The following APOBEC3B variants were observed in gnomAD, a reference collection of about 807,000 sequenced individuals.
APOBEC3B encodes the protein apolipoprotein B mRNA editing enzyme catalytic subunit 3B, also known as DNA dC->dU-editing enzyme APOBEC-3B.
APOBEC3B carries 29 observed loss-of-function variants against 53.4 expected under a neutral mutation model. The ratio of observed to expected loss-of-function variants is 0.54; its 90% CI spans 0.40 to 0.74. The LOEUF (loss-of-function observed/expected upper bound fraction) is 0.74. Ranked by LOEUF, APOBEC3B falls within the 30% of genes least tolerant of loss-of-function variation. APOBEC3B has a pLI of 0.00. For missense variants in APOBEC3B, 347 were observed against 496.2 expected (o/e 0.70, Z 2.86); for synonymous variants, 132 against 184.8 (o/e 0.71, Z 2.32).
At chr22:38,992,001 G>C in intron 6 of APOBEC3B, 33 bp from the exon 7 acceptor site, 1 of 1,539,142 alleles carries the variant, frequency 6.5e-7, no homozygotes, top group Non-Finnish European at 8.7e-7. Flanking sequence ...CCCCACAACA[G>C]GAGCGTGACT....
At position 38,992,752 on chromosome 22, in the gene APOBEC3B, T is replaced by G; in HGVS notation, c.*307T>G. The G allele has an allele frequency of 1.4e-6, 1 of 711,628 alleles. No individual in the cohort carries two copies. The highest frequency in any genetic ancestry group is 2.2e-6 in the Non-Finnish European group (1 of 448,490). The allele number at this position is 711,628 out of a possible 1,614,324, so 44.1% of individuals were successfully genotyped here. ...ATTTAGACTAATAAAACATTAAGAA[T>G]CTTCCATAATTGTTTCCACAAACAC... On this transcript the variant is annotated 3_prime_UTR_variant, in exon 8 of 8. Coordinates refer to ENST00000333467, the MANE Select transcript of APOBEC3B (RefSeq NM_004900.5).
chr22:38,988,733 C>CTTTCTTTCTTTA (rs1569039146), intron 4 of APOBEC3B, among the ~76,000 whole-genome samples: 1 of 133,126 alleles, frequency 7.5e-6, no homozygotes, highest in African/African-American at 3.0e-5. Context: ...TTCTTTCTTT[C>CTTTCTTTCTTTA]TTTCTTTCTT....
In APOBEC3B at chr22:38,990,581, C is replaced by G. The variant is rs1456127675; in HGVS notation, c.724-751C>G. On this transcript the variant is annotated intron_variant, in intron 5 of 7. Coordinates refer to ENST00000333467, the MANE Select transcript of APOBEC3B (RefSeq NM_004900.5). The stretch of plus-strand genomic sequence containing the variant: ...GACAATTATACCATGTCACAGGGAC[C>G]TTCCCACATTGGAGTGAGTCCTGCT... Among the ~76,000 whole-genome samples the G allele has an allele frequency of 1.4e-5, 2 of 147,938 alleles. 1 individual carries two copies. The highest frequency in any genetic ancestry group is 3.0e-5 in the Non-Finnish European group (2 of 67,374).
chr22:38,984,616 T>TA lies in APOBEC3B; in HGVS notation c.174+391dup, dbSNP rs1206801136. 1.4e-4 allele frequency among the ~76,000 whole-genome samples: 21 copies of TA among 148,634 alleles called. 5 individuals carry two copies. The East Asian group carries it at 4.7e-3, about 33-fold the overall frequency. ...ACAGTAAAGGAATTTGTCTTTTTTT[T>TA]AAAAAATTTTTTTAAAATTTTCTTC... On this transcript the variant is annotated intron_variant, in intron 2 of 7. Transcript: ENST00000333467.
chr22:38,984,199 C>A lies in APOBEC3B; in HGVS notation c.142C>A (p.Leu48Ile). The change falls in exon 2 of 8, where the codon CTC becomes ATC. Residue 48 changes from leucine to isoleucine, a missense_variant. By Grantham distance (5) the Leu-to-Ile change is conservative (BLOSUM62 2). This residue lies in a region of APOBEC3B where 73 missense variants were observed against 90.9 expected (regional missense o/e 0.80). Coordinates refer to ENST00000333467, the MANE Select transcript of APOBEC3B (RefSeq NM_004900.5). ...EVKIKRGRSNLLWDTGVFRGQ... is the reference protein window; with the variant it reads ...EVKIKRGRSNILWDTGVFRGQ... The stretch of plus-strand genomic sequence containing the variant: ...GAAAATAAAGAGGGGCCGCTCAAAT[C>A]TCCTTTGGGACACAGGGGTCTTTCG... 1.9e-6 allele frequency: 3 copies of A among 1,592,718 alleles called. No homozygotes were observed. Among genetic ancestry groups the A allele is most frequent in the Non-Finnish European group, 2.6e-6 (3 of 1,172,450 alleles).
rs544101560 is a variant in APOBEC3B at position 38,989,708 on chromosome 22, G to T, written c.723+98G>T. On this transcript the variant is annotated intron_variant, in intron 5 of 7. Transcript: ENST00000333467. ...GGTGGTGCCTGTGGTTTCCTGCAGT[G>T]TTTGTCACTTGTGCTTCCTGCAGCT... 9.0e-4 allele frequency: 1,095 copies of T among 1,217,896 alleles called. 34 individuals carry two copies. The highest frequency in any genetic ancestry group is 1.2e-3 in the Non-Finnish European group (1,061 of 915,724). The allele number at this position is 1,217,896 out of a possible 1,614,324, so 75.4% of individuals were successfully genotyped here. A position where few individuals can be genotyped will look rare whatever the true frequency, so the allele number is the denominator to read the frequency against.
In APOBEC3B at chr22:38,983,225, G is replaced by A. The variant is rs1452255724; in HGVS notation, c.17+755G>A. Reference sequence around the variant, plus strand: ...CCCAGATACTCAGGAGGTTTAGGCAGGAGAATTGCTTGAACCTGGGAGGTG... The same window carrying A: ...CCCAGATACTCAGGAGGTTTAGGCAAGAGAATTGCTTGAACCTGGGAGGTG... On this transcript the variant is annotated intron_variant, in intron 1 of 7. Coordinates refer to ENST00000333467, the MANE Select transcript of APOBEC3B (RefSeq NM_004900.5). Among the ~76,000 whole-genome samples the A allele has an allele frequency of 2.0e-5, 3 of 148,136 alleles. 1 individual carries two copies. The Admixed American group carries it at 2.1e-4, about 10-fold the overall frequency.
At position 38,992,193 on chromosome 22, in the gene APOBEC3B, C is replaced by T. The variant is rs751147075; in HGVS notation, c.1134+44C>T. On this transcript the variant is annotated intron_variant, in intron 7 of 7. Coordinates refer to ENST00000333467, the MANE Select transcript of APOBEC3B (RefSeq NM_004900.5). ...TGCCTGGTGCCCCATCGGCCTCCCCCTCCTCCCCGCTCCCCTGTGCCTTGC... is the reference window on the plus strand; with the variant it reads ...TGCCTGGTGCCCCATCGGCCTCCCCTTCCTCCCCGCTCCCCTGTGCCTTGC... The T allele has an allele frequency of 6.3e-5, 99 of 1,571,180 alleles. 5 individuals are homozygous for T. The highest frequency in any genetic ancestry group is 3.0e-4 in the Admixed American group (16 of 52,722).
rs148526226 is a variant in APOBEC3B at position 38,986,250 on chromosome 22, G to A, written c.455-48G>A. The A allele has an allele frequency of 9.8e-4, 1,555 of 1,590,732 alleles. 108 individuals carry two copies. In the African/African-American group the frequency reaches 0.019, roughly 19 times the overall value. ...CCAGGAGACCAGGCCTGGGAGGACA[G>A]GCCAGGGTCAGGGGAGAGCCTGACT... On this transcript the variant is annotated intron_variant, in intron 3 of 7. Coordinates refer to ENST00000333467, the MANE Select transcript of APOBEC3B (RefSeq NM_004900.5).
chr22:38,991,191 A>G (rs1303560799), intron 5 of APOBEC3B, 141 bp from the exon 6 acceptor site: 5 of 973,108 alleles, frequency 5.1e-6, no homozygotes, highest in Non-Finnish European at 7.8e-6. Context: ...TATTGCATAG[A>G]AAATCATGCA....
At chr22:38,985,781 G>A (rs1307319272) in intron 2 of APOBEC3B, 31 bp from the exon 3 acceptor site, 1 of 1,562,738 alleles carries the variant, frequency 6.4e-7, no homozygotes, top group Non-Finnish European at 8.7e-7. Flanking sequence ...CCCCCTCTCA[G>A]AGCATCCCCT....
At chr22:38,990,724 T>C (rs1368837853) in intron 5 of APOBEC3B, among the ~76,000 whole-genome samples, 2 of 146,850 alleles carry the variant, frequency 1.4e-5, no homozygotes, top group African/African-American at 5.0e-5. Context: ...GGGCCACAGA[T>C]GGGATGGGAG....
Position 38,985,818 on chromosome 22 carries a change from T to G in APOBEC3B, c.181T>G (p.Phe61Val). The G allele has an allele frequency of 6.3e-7, 1 of 1,590,794 alleles. No individual in the cohort carries two copies. Among genetic ancestry groups the G allele is most frequent in the Non-Finnish European group, 8.5e-7 (1 of 1,171,494 alleles). ...CCCCCTGCTCCTCTCCCAGGTGTATTTCAAGCCTCAGTACCACGCAGAAAT... is the reference window on the plus strand; with the variant it reads ...CCCCCTGCTCCTCTCCCAGGTGTATGTCAAGCCTCAGTACCACGCAGAAAT... ...DTGVFRGQVY[F>V]KPQYHAEMCF... Residue 61 changes from phenylalanine (F) to valine (V), a missense_variant, in exon 3 of 8, where the codon TTC becomes GTC. By Grantham distance (50) the Phe-to-Val change is conservative. This residue lies in a region of APOBEC3B where 73 missense variants were observed against 90.9 expected (regional missense o/e 0.80). Transcript: ENST00000333467.
chr22:38,987,154 A>T (rs1923774541), intron 4 of APOBEC3B, among the ~76,000 whole-genome samples: 1 of 148,970 alleles, frequency 6.7e-6, no homozygotes. Context: ...CAAGCCTGCC[A>T]GGGAGGCTGC....
At chr22:38,989,410 C>T in intron 4 of APOBEC3B, 47 bp from the exon 5 acceptor site, 2 of 1,501,166 alleles carry the variant, frequency 1.3e-6, no homozygotes, top group Non-Finnish European at 9.0e-7. Flanking sequence ...AGAGGTAGTC[C>T]CAGGAGGAGT....
Position 38,986,395 on chromosome 22 carries a change from G to A in APOBEC3B, c.552G>A (p.Thr184=), listed in dbSNP as rs760275218. 10 of 1,593,466 alleles carry A rather than the reference G, an allele frequency of 6.3e-6. 2 individuals carry two copies. The highest frequency in any genetic ancestry group is 5.3e-5 in the Admixed American group (3 of 56,452). ...FDENYAFLHR[T]LKEILRYLMD... ...AAAATTATGCATTCCTGCACCGCACGCTAAAGGAGATTCTCAGGTGAGGGT... is the reference window on the plus strand; with the variant it reads ...AAAATTATGCATTCCTGCACCGCACACTAAAGGAGATTCTCAGGTGAGGGT... The change falls in exon 4 of 8, where the codon ACG becomes ACA. Residue 184 remains threonine (T), a synonymous_variant. Coordinates refer to ENST00000333467, the MANE Select transcript of APOBEC3B (RefSeq NM_004900.5).
rs1324367686 is a variant in APOBEC3B, at chr22:38,986,219, T to A, written c.455-79T>A. ...GGGTGGGACTGGCACTGACTGCAACTGACAGCCAGGAGACCAGGCCTGGGA... is the reference window on the plus strand; with the variant it reads ...GGGTGGGACTGGCACTGACTGCAACAGACAGCCAGGAGACCAGGCCTGGGA... On this transcript the variant is annotated intron_variant, in intron 3 of 7. Transcript: ENST00000333467. 10 of 1,585,938 alleles carry A rather than the reference T, an allele frequency of 6.3e-6. 1 individual carries two copies. Among genetic ancestry groups the A allele is most frequent in the African/African-American group, 1.4e-5 (1 of 74,070 alleles).
chr22:38,988,383 T>A (rs944173589), intron 4 of APOBEC3B, among the ~76,000 whole-genome samples: 3 of 148,814 alleles, frequency 2.0e-5, no homozygotes, highest in African/African-American at 7.3e-5. Context: ...TCTCTTCACT[T>A]GTCTTTAAAT....
At chr22:38,982,909 G>C (rs1923589296) in intron 1 of APOBEC3B, among the ~76,000 whole-genome samples, 1 of 148,818 alleles carries the variant, frequency 6.7e-6, no homozygotes, top group Non-Finnish European at 1.5e-5. Flanking sequence ...AGGAGAGGGT[G>C]CGGGGGTAGG....
Sources: gnomAD v4.1 joint callset for allele counts (sites outside exome capture counted in the v4.1 genomes callset) on GRCh38, gnomAD v4.1.1 for gene constraint, gnomAD v4.1.1 regional missense constraint, MANE v1.5 for transcripts, NCBI Gene and HGNC (gene_info 2026-07-23, HGNC 2026-07-21) for gene names.